WASF2: variants seen among roughly 807,000 people sequenced by gnomAD.
The protein encoded by WASF2 is WASP family member 2, also known as actin-binding protein WASF2.
In WASF2, 14 loss-of-function variants were observed where a neutral mutation model predicts 45.0. The observed-to-expected ratio is 0.31, with a 90% CI of 0.21 to 0.49. The LOEUF (loss-of-function observed/expected upper bound fraction) is 0.49. Among genes scored for constraint, WASF2 ranks in the 20% least tolerant of loss-of-function variants. WASF2 has a pLI of 0.99. For missense variants in WASF2, 439 were observed against 636.1 expected, an observed-to-expected ratio of 0.69 and a Z score of 3.33; for synonymous variants, 200 against 236.3, an observed-to-expected ratio of 0.85 and a Z score of 1.41.
At chr1:27,448,216 C>G (rs190821265) in intron 1 of WASF2, among the ~76,000 whole-genome samples, 7 of 152,332 alleles carry the variant, frequency 4.6e-5, no homozygotes, top group African/African-American at 1.7e-4. Flanking sequence ...AGTTCCTTTC[C>G]TATTCTCCAT....
chr1:27,472,115 G>A lies in WASF2; in HGVS notation c.-44+17871C>T, dbSNP rs574953551. Among the ~76,000 whole-genome samples, 61 of 152,124 alleles carry A rather than the reference G, an allele frequency of 4.0e-4. 1 individual carries two copies. The highest frequency in any genetic ancestry group is 1.4e-3 in the African/African-American group (60 of 41,518). ...TCAGAGGCAGAGGCGGGCAGATCAC[G>A]AGGTCAGGAGATGGAGACCACCCTG... On this transcript the variant is annotated intron_variant, in intron 1 of 8. Transcript: ENST00000618852.
intron 1 of WASF2, chr1:27,457,391 CATGAT>C: frequency 6.6e-6 from 1 of 151,954 alleles, no homozygotes; most frequent in Non-Finnish European, 1.5e-5. Flanking sequence ...GCCTGGACAA[CATGAT>C]ATAACTCTGC....
At chr1:27,470,573 C>T (rs991641758) in intron 1 of WASF2, among the ~76,000 whole-genome samples, 1 of 150,052 alleles carries the variant, frequency 6.7e-6, no homozygotes, top group Non-Finnish European at 1.5e-5. Flanking sequence ...CCTATACCAG[C>T]CCTGAATAGT....
chr1:27,440,520 T>TA (rs774741330), intron 1 of WASF2, among the ~76,000 whole-genome samples: 252 of 137,930 alleles, frequency 1.8e-3, no homozygotes, highest in East Asian at 7.4e-3. Flanking sequence ...GACCCTGTCT[T>TA]AAAAAAAAAA....
intron 1 of WASF2, among the ~76,000 whole-genome samples, chr1:27,460,609 A>G (rs2017531049): frequency 6.6e-6 from 1 of 152,200 alleles, no homozygotes; most frequent in Non-Finnish European, 1.5e-5. Flanking sequence ...GAACCAGTTT[A>G]CACATTATAT....
intron 1 of WASF2, among the ~76,000 whole-genome samples, chr1:27,446,805 G>A (rs1167005879): frequency 1.3e-5 from 2 of 149,706 alleles, no homozygotes; most frequent in East Asian, 3.9e-4. Flanking sequence ...AAAAGATGAA[G>A]AATGTCTTTG....
intron 1 of WASF2, among the ~76,000 whole-genome samples, chr1:27,483,038 C>A (rs2017873797): frequency 2.0e-5 from 3 of 152,100 alleles, no homozygotes; most frequent in Admixed American, 2.0e-4. Context: ...AAGCAGAATA[C>A]AAAGGCCATA....
At chr1:27,464,223 T>G (rs945385109) in intron 1 of WASF2, among the ~76,000 whole-genome samples, 1 of 150,876 alleles carries the variant, frequency 6.6e-6, no homozygotes, top group Non-Finnish European at 1.5e-5. Context: ...CTACTAAAAA[T>G]AAAAAAAATT....
At chr1:27,475,765 C>CT (rs1215527238) in intron 1 of WASF2, among the ~76,000 whole-genome samples, 1 of 152,158 alleles carries the variant, frequency 6.6e-6, no homozygotes, top group Non-Finnish European at 1.5e-5. Flanking sequence ...GCAGCTGGTA[C>CT]TACAGGTGCA....
intron 1 of WASF2, among the ~76,000 whole-genome samples, chr1:27,470,840 A>G (rs2017678130): frequency 6.6e-6 from 1 of 152,216 alleles, no homozygotes; most frequent in Admixed American, 6.5e-5. Flanking sequence ...TATAAAACCC[A>G]TCCTTAAAAC....
chr1:27,470,591 A>G (rs1232328711), intron 1 of WASF2, among the ~76,000 whole-genome samples: 1 of 151,934 alleles, frequency 6.6e-6, no homozygotes, highest in Non-Finnish European at 1.5e-5. Flanking sequence ...AGTGTTCAAT[A>G]AATGACTGAC....
chr1:27,458,720 G>A (rs2017506552), intron 1 of WASF2, among the ~76,000 whole-genome samples: 1 of 151,936 alleles, frequency 6.6e-6, no homozygotes, highest in African/African-American at 2.4e-5. Flanking sequence ...TTGAAACTGG[G>A]AGGTGGAGGT....
chr1:27,428,999 ATC>A (rs760468127), intron 1 of WASF2, 66 bp from the exon 2 acceptor site: 159 of 1,197,464 alleles, frequency 1.3e-4, no homozygotes, highest in Admixed American at 1.7e-4. Flanking sequence ...GGCTGTGTGA[ATC>A]TTTTTTTTTT....
rs762246990 is a variant in WASF2, at chr1:27,414,935, C to T, written c.566G>A (p.Gly189Glu). 1 of 1,614,128 alleles carries T rather than the reference C, an allele frequency of 6.2e-7. No individual in the cohort carries two copies. The highest frequency in any genetic ancestry group is 1.1e-5 in the South Asian group (1 of 91,082). ...RKEKKDNPNRGNVNPRKIKTR... is the reference protein window; with the variant it reads ...RKEKKDNPNRENVNPRKIKTR... ...CTTGATTTTACGTGGGTTTACATTC[C>T]CTCGATTTGGATTATCTTTCTTTTC... The change falls in exon 6 of 9, where the codon GGG (glycine) becomes GAG (glutamate). Residue 189 changes from glycine (G) to glutamate (E), a missense_variant. Physicochemically the swap from Gly to Glu is moderately conservative, Grantham distance 98. Transcript: ENST00000618852. The surrounding 1 kb of genome is among the most constrained non-coding windows in gnomAD (Gnocchi z 4.1).
intron 1 of WASF2, among the ~76,000 whole-genome samples, chr1:27,471,453 G>A (rs1407868911): frequency 6.6e-6 from 1 of 151,020 alleles, no homozygotes; most frequent in Non-Finnish European, 1.5e-5. Flanking sequence ...ATGAGTTCAA[G>A]ACCCTTGGCT....
intron 1 of WASF2, among the ~76,000 whole-genome samples, chr1:27,489,702 C>G (rs2018002878): frequency 6.6e-6 from 1 of 152,200 alleles, no homozygotes; most frequent in Non-Finnish European, 1.5e-5. Context: ...CAAGATCACA[C>G]AGCGAGCTGA....
At chr1:27,452,912 TAAG>T (rs947398309) in intron 1 of WASF2, among the ~76,000 whole-genome samples, 6 of 151,322 alleles carry the variant, frequency 4.0e-5, no homozygotes, top group Non-Finnish European at 8.8e-5. Context: ...TATCACTGTT[TAAG>T]AAGAATATTG....
chr1:27,458,741 C>T (rs1265427447), intron 1 of WASF2, among the ~76,000 whole-genome samples: 1 of 151,668 alleles, frequency 6.6e-6, no homozygotes, highest in Non-Finnish European at 1.5e-5. Flanking sequence ...TGCAGTGAGC[C>T]GAGATCACGC....
At chr1:27,445,592 TGC>T (rs1472086461) in intron 1 of WASF2, among the ~76,000 whole-genome samples, 2 of 152,242 alleles carry the variant, frequency 1.3e-5, no homozygotes, top group Non-Finnish European at 2.9e-5. Context: ...TCTCCCTCTC[TGC>T]GCCCAATTTT....
Sources: gnomAD v4.1 joint callset for allele counts (sites outside exome capture counted in the v4.1 genomes callset) on GRCh38, gnomAD v4.1.1 for gene constraint, Gnocchi (gnomAD v3.1) non-coding constraint, MANE v1.5 for transcripts, NCBI Gene and HGNC (gene_info 2026-07-23, HGNC 2026-07-21) for gene names.